The following KAT6A variants were observed in gnomAD, a reference collection of about 807,000 sequenced individuals.
KAT6A encodes histone acetyltransferase KAT6A.
A neutral mutation model predicts 198.4 loss-of-function variants in KAT6A; 9 were observed. The observed-to-expected ratio is 0.05, with a 90% CI of 0.03 to 0.08. KAT6A has a LOEUF of 0.08. Ranked by LOEUF, KAT6A falls within the 10% of genes least tolerant of loss-of-function variation. KAT6A has a pLI of 1.00. For missense variants in KAT6A, 2,077 were observed against 2,509.9 expected, an observed-to-expected ratio of 0.83 and a Z score of 3.69; for synonymous variants, 890 against 883.0, an observed-to-expected ratio of 1.01 and a Z score of -0.14.
At chr8:41,935,310 CT>C in intron 16 of KAT6A, among the ~76,000 whole-genome samples, 1 of 152,068 alleles carries the variant, frequency 6.6e-6, no homozygotes, top group Middle Eastern at 3.4e-3. Flanking sequence ...TTGTGATTTA[CT>C]TTATCTCTCG....
At position 41,934,451 on chromosome 8, in the gene KAT6A, T is replaced by C; in HGVS notation, c.3769A>G (p.Ser1257Gly). ...GTTTCGGTCTCAGGACTATTGCTGC[T>C]GTCTGCTGGAGAGGCTGCTGGGACT... is the stretch of plus-strand genomic sequence containing the variant. ...SEVPAASPAD[S>G]SNSPETETKE... The change falls in exon 17 of 17, where the codon AGC becomes GGC. Residue 1257 changes from serine (S) to glycine (G), a missense_variant. Physicochemically the swap from Ser to Gly is moderately conservative, Grantham distance 56. This residue lies in a region of KAT6A where 375 missense variants were observed against 383.0 expected (regional missense o/e 0.98). Transcript: ENST00000265713. The C allele has an allele frequency of 1.2e-6, 2 of 1,608,124 alleles. No homozygotes were observed. The highest frequency in any genetic ancestry group is 1.7e-6 in the Non-Finnish European group (2 of 1,176,886).
chr8:42,000,423 C>A (rs1469519028), intron 2 of KAT6A, among the ~76,000 whole-genome samples: 1 of 151,892 alleles, frequency 6.6e-6, no homozygotes, highest in Non-Finnish European at 1.5e-5. Context: ...TGGTGGCAAG[C>A]GCCTGTAATC....
intron 2 of KAT6A, among the ~76,000 whole-genome samples, chr8:42,032,209 G>T (rs1827166839): frequency 6.6e-6 from 1 of 152,096 alleles, no homozygotes; most frequent in Non-Finnish European, 1.5e-5. Flanking sequence ...AGCTTGATGT[G>T]GCTCAAGGAG....
intron 2 of KAT6A, among the ~76,000 whole-genome samples, chr8:42,025,788 T>A (rs970050145): frequency 6.6e-6 from 1 of 152,210 alleles, no homozygotes; most frequent in African/African-American, 2.4e-5. Context: ...TTGTTTGTTT[T>A]TGTTATCCAT....
At chr8:42,028,468 C>CTT (rs1425939486) in intron 2 of KAT6A, among the ~76,000 whole-genome samples, 2 of 152,152 alleles carry the variant, frequency 1.3e-5, no homozygotes, top group Admixed American at 1.3e-4. Context: ...GTACTGATCC[C>CTT]TTTATCACTA....
At chr8:41,960,150 G>A (rs191606806) in intron 8 of KAT6A, among the ~76,000 whole-genome samples, 50 of 151,972 alleles carry the variant, frequency 3.3e-4, no homozygotes, top group Non-Finnish European at 6.2e-4. Flanking sequence ...GGTGGGGGTA[G>A]GGGTGGGGGG....
intron 8 of KAT6A, among the ~76,000 whole-genome samples, chr8:41,971,040 A>G (rs940897879): frequency 7.9e-5 from 12 of 151,218 alleles, no homozygotes; most frequent in African/African-American, 2.9e-4. Flanking sequence ...ACATGGACAC[A>G]GGAAGGGGAA....
intron 8 of KAT6A, chr8:41,958,217 G>C (rs1474111125): frequency 1.3e-5 from 2 of 152,222 alleles, no homozygotes; most frequent in Admixed American, 1.3e-4. Context: ...ACAACAGAGA[G>C]AGCATGAATT....
At chr8:41,943,084 G>C (rs1822218998) in intron 13 of KAT6A, 84 bp from the exon 14 acceptor site, 2 of 1,547,360 alleles carry the variant, frequency 1.3e-6, no homozygotes, top group Admixed American at 3.6e-5. Context: ...CCCTGGTGAA[G>C]CATGTAAGAT....
At chr8:41,955,458 C>A (rs767477869) in intron 8 of KAT6A, 47 bp from the exon 9 acceptor site, 3 of 1,177,314 alleles carry the variant, frequency 2.5e-6, no homozygotes, top group African/African-American at 3.1e-5. Flanking sequence ...ATTAGACACA[C>A]TGAGATAACA....
chr8:41,933,764 C>T lies in KAT6A; in HGVS notation c.4456G>A (p.Val1486Ile), dbSNP rs749288411. Reference sequence around the variant, plus strand: ...ACTGACTGGCTGGGGTGAGACTGAACGGAGGAGATAGGGCTATTATGTTCT... The same window carrying T: ...ACTGACTGGCTGGGGTGAGACTGAATGGAGGAGATAGGGCTATTATGTTCT... ...ASEHNSPISS[V>I]QSHPSQSVRS... The change falls in exon 17 of 17, where the codon GTT becomes ATT. Residue 1486 changes from valine to isoleucine, a missense_variant. Transcript: ENST00000265713. The surrounding 1 kb of genome is among the most constrained non-coding windows in gnomAD (Gnocchi z 6.2). 36 of 1,613,934 alleles carry T rather than the reference C, an allele frequency of 2.2e-5. No individual in the cohort carries two copies. The Admixed American group carries it at 3.3e-4, about 15-fold the overall frequency.
At chr8:42,031,176 A>G (rs1827102952) in intron 2 of KAT6A, among the ~76,000 whole-genome samples, 1 of 152,194 alleles carries the variant, frequency 6.6e-6, no homozygotes, top group South Asian at 2.1e-4. Context: ...AATAAGACTT[A>G]GAATAATACT....
intron 2 of KAT6A, among the ~76,000 whole-genome samples, chr8:42,040,644 A>G (rs1587858981): frequency 6.8e-6 from 1 of 147,570 alleles, no homozygotes; most frequent in Admixed American, 6.8e-5. Context: ...CTGAGGCAGG[A>G]GAATCGCCTG....
Position 42,013,013 on chromosome 8 carries a change from G to C in KAT6A, c.601-25450C>G, listed in dbSNP as rs1826092710. ...TCTGGAAAATGTAATATTATAGGGA[G>C]AATAATAGCTCAGTGGTTTGCCAGG... On this transcript the variant is annotated intron_variant, in intron 2 of 16. Coordinates refer to ENST00000265713, the MANE Select transcript of KAT6A (RefSeq NM_006766.5). Among the ~76,000 whole-genome samples the C allele has an allele frequency of 2.7e-5, 4 of 150,132 alleles. No individual in the cohort carries two copies. The South Asian group carries it at 8.4e-4, about 31-fold the overall frequency.
chr8:41,994,916 C>T (rs557285550), intron 2 of KAT6A, among the ~76,000 whole-genome samples: 9 of 152,152 alleles, frequency 5.9e-5, no homozygotes, highest in African/African-American at 1.9e-4. Flanking sequence ...ATTAGCCAGG[C>T]ATGGTGGCAG....
intron 2 of KAT6A, among the ~76,000 whole-genome samples, chr8:42,020,248 T>G (rs968713907): frequency 2.6e-5 from 4 of 152,198 alleles, no homozygotes; most frequent in African/African-American, 9.7e-5. Flanking sequence ...CAGCAGAGAC[T>G]GTATGGCCCG....
intron 2 of KAT6A, among the ~76,000 whole-genome samples, chr8:42,012,967 T>G (rs1334736670): frequency 6.6e-6 from 1 of 152,096 alleles, no homozygotes; most frequent in Non-Finnish European, 1.5e-5. Context: ...AAAACTATAC[T>G]TGATTCCATT....
chr8:41,950,182 A>G (rs1421443233), intron 9 of KAT6A, among the ~76,000 whole-genome samples: 1 of 152,198 alleles, frequency 6.6e-6, no homozygotes, highest in Non-Finnish European at 1.5e-5. Flanking sequence ...GTTGTTGGCT[A>G]CTTTGTTTCC....
chr8:41,936,876 C>A (rs1821879467), intron 16 of KAT6A, among the ~76,000 whole-genome samples: 1 of 152,150 alleles, frequency 6.6e-6, no homozygotes, highest in Non-Finnish European at 1.5e-5. Context: ...CAGCATACAG[C>A]AATGAGCAAA....
Sources: allele counts gnomAD v4.1 joint callset (sites outside exome capture counted in the v4.1 genomes callset), GRCh38; gene constraint gnomAD v4.1.1; regional missense constraint gnomAD v4.1.1; non-coding constraint Gnocchi (gnomAD v3.1); transcripts MANE v1.5; gene names NCBI Gene and HGNC (gene_info 2026-07-23, HGNC 2026-07-21).